DNAAF9: variants seen among roughly 807,000 people sequenced by gnomAD.
DNAAF9 encodes shulin.
DNAAF9 carries 90 observed loss-of-function variants against 167.0 expected under a neutral mutation model. That is an observed-to-expected ratio of 0.54 (90% CI 0.45 to 0.64). The LOEUF (loss-of-function observed/expected upper bound fraction) is 0.64. Ranked by LOEUF, DNAAF9 falls within the 30% of genes least tolerant of loss-of-function variation. The pLI, the probability that DNAAF9 is intolerant of heterozygous loss-of-function variation, is 0.00. For synonymous variants in DNAAF9, 491 were observed against 508.8 expected (o/e 0.96, Z 0.47); for missense variants, 1,315 against 1,442.2 (o/e 0.91, Z 1.43).
At chr20:3,279,889 T>A (rs1396579083) in intron 28 of DNAAF9, among the ~76,000 whole-genome samples, 1 of 152,226 alleles carries the variant, frequency 6.6e-6, no homozygotes, top group Non-Finnish European at 1.5e-5. Context: ...CTCTTCTGAA[T>A]GGCTGCTGGT....
chr20:3,252,795 TG>T (rs928572223), intron 36 of DNAAF9, 111 bp from the exon 37 acceptor site: 1 of 715,628 alleles, frequency 1.4e-6, no homozygotes. Context: ...AGTGAGTGTC[TG>T]GCCCATAGAG....
At chr20:3,374,253 G>A (rs1487698900) in intron 5 of DNAAF9, 99 bp from the exon 6 acceptor site, 13 of 656,188 alleles carry the variant, frequency 2.0e-5, no homozygotes, top group East Asian at 1.4e-4. Context: ...TTTCTCACGT[G>A]GTCACCAGGG....
At chr20:3,356,164 T>C (rs541621766) in intron 7 of DNAAF9, among the ~76,000 whole-genome samples, 1 of 152,296 alleles carries the variant, frequency 6.6e-6, no homozygotes, top group South Asian at 2.1e-4. Flanking sequence ...ATTACAGGCA[T>C]GTGCCACAAT....
rs1276174175 is a variant in DNAAF9 at position 3,314,904 on chromosome 20, G to A, written c.1678+129C>T. 1.4e-4 allele frequency: 91 copies of A among 641,214 alleles called. 2 individuals carry two copies. Among genetic ancestry groups the A allele is most frequent in the East Asian group, 5.2e-5 (2 of 38,268 alleles). The allele number at this position is 641,214 out of a possible 1,614,324, so 39.7% of individuals were successfully genotyped here. A position where few individuals can be genotyped will look rare whatever the true frequency, so the allele number is the denominator to read the frequency against. ...AAGTGGGTGGGTCGAGAGAAAAGCT[G>A]TAGGAAAACATTTCTGTACCACAAT... On this transcript the variant is annotated intron_variant, in intron 20 of 36. Coordinates refer to ENST00000252032, the MANE Select transcript of DNAAF9 (RefSeq NM_001009984.3).
intron 25 of DNAAF9, among the ~76,000 whole-genome samples, chr20:3,293,707 T>TA (rs2069011150): frequency 6.8e-6 from 1 of 147,958 alleles, no homozygotes; most frequent in African/African-American, 2.5e-5. Context: ...CTGGGGAAGA[T>TA]AGTGTTTATA....
Position 3,294,256 on chromosome 20 carries a change from C to T in DNAAF9, c.2121G>A (p.Trp707Ter). The T allele has an allele frequency of 1.9e-6, 3 of 1,591,226 alleles. No individual in the cohort carries two copies. Among genetic ancestry groups the T allele is most frequent in the Non-Finnish European group, 2.6e-6 (3 of 1,159,350 alleles). ...LLSAKLPELD[W>*]FLQHFAISSI... is the part of the protein sequence containing the mutation. ...TGCTGATGGCGAAATGCTGGAGAAA[C>T]CTAAAAACACAAAGACAATGCTATT... The change falls in exon 25 of 37, where the codon TGG (tryptophan) becomes TGA (stop). Residue 707 changes from tryptophan (W) to a stop codon, truncating the protein, a stop_gained and splice_region_variant. Coordinates refer to ENST00000252032, the MANE Select transcript of DNAAF9 (RefSeq NM_001009984.3). LOFTEE classifies it high-confidence loss of function.
intron 6 of DNAAF9, among the ~76,000 whole-genome samples, chr20:3,369,367 C>T (rs1189932059): frequency 1.3e-5 from 2 of 151,266 alleles, no homozygotes; most frequent in Non-Finnish European, 2.9e-5. Flanking sequence ...AGTCTTCTAA[C>T]ATTTAAAGTT....
chr20:3,310,369 G>GAAAGAA (rs2069389333), intron 20 of DNAAF9, among the ~76,000 whole-genome samples: 1 of 150,954 alleles, frequency 6.6e-6, no homozygotes, highest in African/African-American at 2.4e-5. Flanking sequence ...AAGAAAGAAA[G>GAAAGAA]AAAGAAAGAA....
In DNAAF9 at chr20:3,249,441, TAAG is replaced by T. The variant is rs1163867950; in HGVS notation, c.*3128_*3130del. 6 of 152,382 alleles carry T rather than the reference TAAG, an allele frequency of 3.9e-5. No homozygotes were observed. The highest frequency in any genetic ancestry group is 2.1e-4 in the South Asian group (1 of 4,832). The allele number at this position is 152,382 out of a possible 1,614,324, so 9.4% of individuals were successfully genotyped here. On this transcript the variant is annotated 3_prime_UTR_variant, in exon 37 of 37. Transcript: ENST00000252032. ...GGCTACTTTTATATATTTACTGAAT[TAAG>T]TAGTGTAATAAATACTATGATAAGC... is the stretch of plus-strand genomic sequence containing the variant.
rs1468173548 is a variant in DNAAF9 at position 3,249,982 on chromosome 20, A to G, written c.*2590T>C. 1.3e-5 allele frequency: 2 copies of G among 152,230 alleles called. No homozygotes were observed. 9.4% of individuals were successfully genotyped at this position (152,230 alleles called of 1,614,324 possible). On this transcript the variant is annotated 3_prime_UTR_variant, in exon 37 of 37. Transcript: ENST00000252032. ...GTCTCCTTCTTCCAATCAAAAACAG[A>G]AAAATCCCATGTAAAAACATAAAAT...
chr20:3,355,922 T>C (rs2083280293), intron 7 of DNAAF9, among the ~76,000 whole-genome samples: 2 of 152,212 alleles, frequency 1.3e-5, no homozygotes, highest in Non-Finnish European at 2.9e-5. Flanking sequence ...CGTCTGAATT[T>C]TTGTTTTAAG....
At chr20:3,330,130 T>C (rs1042662838) in intron 12 of DNAAF9, among the ~76,000 whole-genome samples, 2 of 152,240 alleles carry the variant, frequency 1.3e-5, no homozygotes, top group African/African-American at 4.8e-5. Flanking sequence ...AAGAAGTCTC[T>C]GAAATCTAGA....
At position 3,292,099 on chromosome 20, in the gene DNAAF9, C is replaced by T. The variant is rs139183722; in HGVS notation, c.2239-1882G>A. Among the ~76,000 whole-genome samples, 120 of 151,730 alleles carry T rather than the reference C, an allele frequency of 7.9e-4. 1 individual carries two copies. In the East Asian group the frequency reaches 0.017, roughly 22 times the overall value. ...CTACAACCTCCGCCTCCCGGGTTCA[C>T]GCAATTCTCCTGTCTCAGCCTCCCG... On this transcript the variant is annotated intron_variant, in intron 25 of 36. Coordinates refer to ENST00000252032, the MANE Select transcript of DNAAF9 (RefSeq NM_001009984.3).
intron 23 of DNAAF9, 124 bp from the exon 24 acceptor site, chr20:3,294,753 T>A: frequency 1.6e-6 from 1 of 640,124 alleles, no homozygotes; most frequent in Non-Finnish European, 2.8e-6. Flanking sequence ...AAAACACACA[T>A]CTCAGACTTA....
chr20:3,368,810 G>A (rs1600870647), intron 6 of DNAAF9, among the ~76,000 whole-genome samples: 2 of 151,240 alleles, frequency 1.3e-5, no homozygotes, highest in South Asian at 2.2e-4. Flanking sequence ...GAGCCACTGC[G>A]CCCGGCCATC....
intron 21 of DNAAF9, among the ~76,000 whole-genome samples, chr20:3,301,644 C>T (rs1444463332): frequency 6.6e-6 from 1 of 152,202 alleles, no homozygotes; most frequent in African/African-American, 2.4e-5. Context: ...AACAGTTCCT[C>T]AGGATTTATT....
At chr20:3,355,152 T>C (rs2083266875) in intron 7 of DNAAF9, among the ~76,000 whole-genome samples, 2 of 152,278 alleles carry the variant, frequency 1.3e-5, no homozygotes, top group South Asian at 4.1e-4. Flanking sequence ...TCCTAATTCT[T>C]ACATTCTCTG....
intron 30 of DNAAF9, 94 bp downstream of exon 30, chr20:3,270,333 A>G: frequency 8.4e-7 from 1 of 1,189,178 alleles, no homozygotes; most frequent in South Asian, 1.3e-5. Flanking sequence ...CCAAATGTTT[A>G]GGTCTTAGAT....
intron 10 of DNAAF9, among the ~76,000 whole-genome samples, chr20:3,333,959 G>A (rs2069888717): frequency 6.6e-6 from 1 of 152,166 alleles, no homozygotes; most frequent in South Asian, 2.1e-4. Context: ...TGGTGTCATA[G>A]AGCACGACTC....
Sources: gnomAD v4.1 joint callset for allele counts (sites outside exome capture counted in the v4.1 genomes callset) on GRCh38, gnomAD v4.1.1 for gene constraint, MANE v1.5 for transcripts, NCBI Gene and HGNC (gene_info 2026-07-23, HGNC 2026-07-21) for gene names.